The following GALNT2 variants were observed in gnomAD, a reference collection of about 807,000 sequenced individuals.
The protein encoded by GALNT2 is UDP-GalNAc:polypeptide N-acetylgalactosaminyltransferase 2.
Under a neutral mutation model 81.4 loss-of-function variants are expected in GALNT2, and 31 were observed. The ratio of observed to expected loss-of-function variants is 0.38; its 90% CI spans 0.29 to 0.51. GALNT2 has a LOEUF of 0.51. Ranked by LOEUF, GALNT2 falls within the 20% of genes least tolerant of loss-of-function variation. The pLI is 0.87. For synonymous variants in GALNT2, 303 were observed against 287.4 expected, an observed-to-expected ratio of 1.05 and a Z score of -0.55; for missense variants, 629 against 765.7, an observed-to-expected ratio of 0.82 and a Z score of 2.11.
intron 1 of GALNT2, among the ~76,000 whole-genome samples, chr1:230,141,592 G>A (rs1261280550): frequency 6.6e-6 from 1 of 152,044 alleles, no homozygotes; most frequent in Non-Finnish European, 1.5e-5. Context: ...TGTCCTCAGG[G>A]TTCATCCATG....
chr1:230,099,755 G>C (rs1042663528), intron 1 of GALNT2, among the ~76,000 whole-genome samples: 2 of 152,220 alleles, frequency 1.3e-5, no homozygotes, highest in African/African-American at 4.8e-5. Context: ...TGGCTCATCT[G>C]TCTCTGCAGA....
intron 2 of GALNT2, among the ~76,000 whole-genome samples, chr1:230,202,566 A>G (rs1330116091): frequency 6.6e-6 from 1 of 152,248 alleles, no homozygotes; most frequent in African/African-American, 2.4e-5. Context: ...GACACCTCTG[A>G]GAGCCACATC....
chr1:230,201,618 G>A (rs902008386), intron 2 of GALNT2, among the ~76,000 whole-genome samples: 3 of 152,112 alleles, frequency 2.0e-5, no homozygotes, highest in Non-Finnish European at 2.9e-5. Flanking sequence ...GGGTTGACAC[G>A]CTGCAAAAGA....
intron 14 of GALNT2, among the ~76,000 whole-genome samples, chr1:230,273,387 G>T (rs1439232709): frequency 6.6e-6 from 1 of 152,252 alleles, no homozygotes; most frequent in African/African-American, 2.4e-5. Context: ...GGAGGGGAGG[G>T]CCACTGCAGC....
chr1:230,189,610 A>G (rs960780751), intron 2 of GALNT2, among the ~76,000 whole-genome samples: 3 of 152,168 alleles, frequency 2.0e-5, no homozygotes, highest in African/African-American at 7.2e-5. Context: ...AGGTGACTTA[A>G]TGGGTTCTGG....
At chr1:230,229,388 C>G (rs545048975) in intron 3 of GALNT2, among the ~76,000 whole-genome samples, 2 of 152,306 alleles carry the variant, frequency 1.3e-5, no homozygotes, top group South Asian at 2.1e-4. Flanking sequence ...ATGATGACTA[C>G]TTCATACCAA....
intron 3 of GALNT2, among the ~76,000 whole-genome samples, chr1:230,210,298 AC>A (rs1280492330): frequency 6.6e-6 from 1 of 152,214 alleles, no homozygotes; most frequent in Non-Finnish European, 1.5e-5. Context: ...TAGGGGGGAA[AC>A]CATTTTCTTT....
At chr1:230,153,905 A>T (rs570695009) in intron 1 of GALNT2, among the ~76,000 whole-genome samples, 2 of 152,352 alleles carry the variant, frequency 1.3e-5, no homozygotes, top group South Asian at 4.1e-4. Flanking sequence ...AACAACAACA[A>T]AAAAGCTACT....
chr1:230,236,854 G>C lies in GALNT2; in HGVS notation c.607+129G>C, dbSNP rs113963978. On this transcript the variant is annotated intron_variant, in intron 6 of 15. Coordinates refer to ENST00000366672, the MANE Select transcript of GALNT2 (RefSeq NM_004481.5). Reference sequence around the variant, plus strand: ...TTTTCTGTCTCCCTCTACCAGAGCCGCTTGGGAGACTTCTCCCAGCAAACA... The same window carrying C: ...TTTTCTGTCTCCCTCTACCAGAGCCCCTTGGGAGACTTCTCCCAGCAAACA... 12 of 800,504 alleles carry C rather than the reference G, an allele frequency of 1.5e-5. No homozygotes were observed. In the South Asian group the frequency reaches 2.6e-4, roughly 17 times the overall value. 49.6% of individuals were successfully genotyped at this position (800,504 alleles called of 1,614,324 possible).
intron 11 of GALNT2, chr1:230,259,490 T>C (rs999233303): frequency 6.6e-6 from 1 of 152,190 alleles, no homozygotes; most frequent in African/African-American, 2.4e-5. Context: ...AGATGGGAAT[T>C]GCAATAGAGA....
chr1:230,087,153 C>T (rs1050483099), intron 1 of GALNT2, among the ~76,000 whole-genome samples: 16 of 152,146 alleles, frequency 1.1e-4, no homozygotes, highest in East Asian at 1.9e-4. Context: ...CTTTATGCAG[C>T]GGGCTCTAAG....
rs1665469708 is a variant in GALNT2, at chr1:230,249,269, A to G, written c.903A>G (p.Ile301Met). The G allele has an allele frequency of 6.2e-7, 1 of 1,613,860 alleles. No homozygotes were observed. The highest frequency in any genetic ancestry group is 8.5e-7 in the Non-Finnish European group (1 of 1,179,888). The change falls in exon 9 of 16, where the codon ATA (isoleucine) becomes ATG (methionine). Residue 301 changes from isoleucine to methionine, a missense_variant and splice_region_variant. Ile to Met is a conservative substitution (Grantham distance 10). This residue lies in a region of GALNT2 where 360 missense variants were observed against 492.8 expected (regional missense o/e 0.73). Transcript: ENST00000366672. Reference sequence around the variant, plus strand: ...GGCAGGGGAACCCAGTCGCCCCTATAAAGTAAGTGCCAGCATCCTTCAGGG... The same window carrying G: ...GGCAGGGGAACCCAGTCGCCCCTATGAAGTAAGTGCCAGCATCCTTCAGGG... The part of the protein sequence containing the change: ...RSRQGNPVAP[I>M]KTPMIAGGLF...
intron 3 of GALNT2, among the ~76,000 whole-genome samples, chr1:230,203,837 T>A (rs182296657): frequency 2.6e-5 from 4 of 152,258 alleles, no homozygotes; most frequent in Admixed American, 2.6e-4. Context: ...TTTCTTTCTA[T>A]TTTTAGAGAT....
intron 3 of GALNT2, among the ~76,000 whole-genome samples, chr1:230,204,833 G>T (rs78983435): frequency 6.6e-6 from 1 of 152,184 alleles, no homozygotes; most frequent in Non-Finnish European, 1.5e-5. Flanking sequence ...CTCTGTGCTC[G>T]GATCCTAGCA....
At chr1:230,232,592 C>T (rs1025981143) in intron 3 of GALNT2, among the ~76,000 whole-genome samples, 1 of 152,178 alleles carries the variant, frequency 6.6e-6, no homozygotes, top group Non-Finnish European at 1.5e-5. Context: ...TAGGTCTGCT[C>T]GTCTCAGCAA....
At position 230,118,702 on chromosome 1, in the gene GALNT2, G is replaced by A. The variant is rs901772527; in HGVS notation, c.126+51296G>A. Among the ~76,000 whole-genome samples the A allele has an allele frequency of 4.6e-5, 7 of 151,812 alleles. No individual in the cohort carries two copies. The East Asian group carries it at 1.4e-3, about 30-fold the overall frequency. ...GGACTGGCTGTCGGTTCTTCCCCGC[G>A]TGGCTCCTCCCCGCACTGTCTCGGT... On this transcript the variant is annotated intron_variant, in intron 1 of 15. Coordinates refer to ENST00000366672, the MANE Select transcript of GALNT2 (RefSeq NM_004481.5).
At chr1:230,208,499 G>A (rs1313561727) in intron 3 of GALNT2, among the ~76,000 whole-genome samples, 2 of 152,196 alleles carry the variant, frequency 1.3e-5, no homozygotes, top group African/African-American at 4.8e-5. Flanking sequence ...GTGTTCAGGA[G>A]GAAGGTCTTA....
intron 2 of GALNT2, among the ~76,000 whole-genome samples, chr1:230,190,451 A>G (rs1020050979): frequency 6.6e-6 from 1 of 152,200 alleles, no homozygotes; most frequent in Non-Finnish European, 1.5e-5. Context: ...CCTCTCTGAC[A>G]ACAGGTCCTG....
At chr1:230,278,475 T>C (rs1285882027) in intron 15 of GALNT2, among the ~76,000 whole-genome samples, 3 of 152,098 alleles carry the variant, frequency 2.0e-5, no homozygotes, top group Non-Finnish European at 4.4e-5. Context: ...CAGATTTCCT[T>C]CAGGCTGGGT....
Sources: allele counts gnomAD v4.1 joint callset (sites outside exome capture counted in the v4.1 genomes callset), GRCh38; gene constraint gnomAD v4.1.1; regional missense constraint gnomAD v4.1.1; transcripts MANE v1.5; gene names NCBI Gene and HGNC (gene_info 2026-07-23, HGNC 2026-07-21).